The following RIN1 variants were observed in gnomAD, a reference collection of about 807,000 sequenced individuals.
RIN1 encodes the protein Ras and Rab interactor 1, also known as ras inhibitor 1.
RIN1 carries 52 observed loss-of-function variants against 64.9 expected under a neutral mutation model. The observed-to-expected ratio is 0.80, with a 90% CI of 0.64 to 1.01. The LOEUF (loss-of-function observed/expected upper bound fraction) is 1.01. Among genes scored for constraint, RIN1 ranks in the 50% least tolerant of loss-of-function variants. The pLI, the probability that RIN1 is intolerant of heterozygous loss-of-function variation, is 0.00. For synonymous variants in RIN1, 486 were observed against 483.6 expected (o/e 1.00, Z -0.06); for missense variants, 1,040 against 1,064.5 (o/e 0.98, Z 0.32).
chr11:66,332,096 C>T lies in RIN1; in HGVS notation c.*180G>A. The stretch of plus-strand genomic sequence containing the variant: ...CACAGTCTGGGGGCCCCCGAAGCCC[C>T]CTCATCTTTATTCCAGTTCCTCAGA... On this transcript the variant is annotated 3_prime_UTR_variant, in exon 10 of 10. Transcript: ENST00000311320. The T allele has an allele frequency of 1.5e-6, 1 of 677,434 alleles. No individual in the cohort carries two copies. The highest frequency in any genetic ancestry group is 2.6e-5 in the Admixed American group (1 of 37,870). 42.0% of individuals were successfully genotyped at this position (677,434 alleles called of 1,614,324 possible). A position where few individuals can be genotyped will look rare whatever the true frequency, so the allele number is the denominator to read the frequency against.
At position 66,332,571 on chromosome 11, in the gene RIN1, G is replaced by A. The variant is rs1854762931; in HGVS notation, c.2057C>T (p.Pro686Leu). ...GGGCAGCCTGTGGGCCAGGGCCCCA[G>A]GGGGCAGGCGGTGGTAGCCCTGCTC... ...YKEQGYHRLP[P>L]GALAHRLPTT... The change falls in exon 10 of 10, where the codon CCT (proline) becomes CTT (leucine). Residue 686 changes from proline (P) to leucine (L), a missense_variant. Pro to Leu is a moderately conservative substitution (Grantham distance 98, BLOSUM62 -3). Coordinates refer to ENST00000311320, the MANE Select transcript of RIN1 (RefSeq NM_004292.3). 5.6e-6 allele frequency: 9 copies of A among 1,612,178 alleles called. No homozygotes were observed. The highest frequency in any genetic ancestry group is 7.6e-6 in the Non-Finnish European group (9 of 1,178,796).
At position 66,333,326 on chromosome 11, in the gene RIN1, C is replaced by T. The variant is rs768822750; in HGVS notation, c.1807G>A (p.Val603Met). ...GQAHTLPLSPVQELRRSLSLW... is the reference protein window; with the variant it reads ...GQAHTLPLSPMQELRRSLSLW... Reference sequence around the variant, plus strand: ...CTGAGGGAGCGCCGTAGCTCCTGCACGGGGCTCAGTGGGAGGGTGTGGGCC... The same window carrying T: ...CTGAGGGAGCGCCGTAGCTCCTGCATGGGGCTCAGTGGGAGGGTGTGGGCC... The change falls in exon 9 of 10, where the codon GTG becomes ATG. Residue 603 changes from valine to methionine, a missense_variant. Coordinates refer to ENST00000311320, the MANE Select transcript of RIN1 (RefSeq NM_004292.3). 19 of 1,613,038 alleles carry T rather than the reference C, an allele frequency of 1.2e-5. No individual in the cohort carries two copies. Among genetic ancestry groups the T allele is most frequent in the African/African-American group, 4.0e-5 (3 of 74,910 alleles).
chr11:66,334,284 G>A, intron 6 of RIN1, 60 bp from the exon 7 acceptor site: 1 of 1,341,378 alleles, frequency 7.5e-7, no homozygotes, highest in Non-Finnish European at 9.9e-7. Flanking sequence ...CAGAGGCAAG[G>A]GGAGAAGGGA....
chr11:66,336,600 G>C, upstream of RIN1: 1 of 560,604 alleles, frequency 1.8e-6, no homozygotes, highest in Admixed American at 3.2e-5. Flanking sequence ...CTCCATGCTA[G>C]CCCTGCTCTG....
intron 1 of RIN1, 68 bp downstream of exon 1, chr11:66,336,249 T>A (rs1854898423): frequency 2.6e-6 from 4 of 1,522,468 alleles, no homozygotes; most frequent in Admixed American, 4.0e-5. Context: ...ACTTTCTCTA[T>A]CCCCGGATAG....
At position 66,330,890 on chromosome 11, in the gene RIN1, G is replaced by A. The variant is rs151199301; in HGVS notation, c.*1386C>T. ...CAGTGCCCGAGGAGAGAGCCTCTGG[G>A]GTCATCCTCCATAAGGGGACAATTC... On this transcript the variant is annotated 3_prime_UTR_variant, in exon 10 of 10. Transcript: ENST00000311320. 1.9e-4 allele frequency: 29 copies of A among 152,410 alleles called. No homozygotes were observed. The highest frequency in any genetic ancestry group is 7.0e-4 in the African/African-American group (29 of 41,582). 9.4% of individuals were successfully genotyped at this position (152,410 alleles called of 1,614,324 possible).
chr11:66,335,799 G>C lies in RIN1; in HGVS notation c.345C>G (p.Ser115=). The change falls in exon 3 of 10, where the codon TCC becomes TCG. Residue 115 remains serine (S), a synonymous_variant. Transcript: ENST00000311320. ...CCAGGATGTAGTGGCTGGAGACGAA[G>C]GAGGGGCCACTGGCTTCAGGCAACC... is the stretch of plus-strand genomic sequence containing the variant. ...CMRLPEASGP[S]FVSSHYILES... 1 of 1,611,058 alleles carries C rather than the reference G, an allele frequency of 6.2e-7. No individual in the cohort carries two copies. Among genetic ancestry groups the C allele is most frequent in the South Asian group, 1.1e-5 (1 of 90,892 alleles).
At chr11:66,335,272 T>C in intron 5 of RIN1, 21 bp from the exon 6 acceptor site, 6 of 1,566,106 alleles carry the variant, frequency 3.8e-6, no homozygotes, top group South Asian at 2.4e-5. Flanking sequence ...AGAAACCGAC[T>C]GGGGCCTCCG....
chr11:66,335,724 C>T (rs752829177), intron 3 of RIN1, 38 bp downstream of exon 3: 2 of 1,611,926 alleles, frequency 1.2e-6, no homozygotes, highest in African/African-American at 1.3e-5. Flanking sequence ...GGGGAACCTC[C>T]CTGCTTCCAG....
At position 66,332,142 on chromosome 11, in the gene RIN1, C is replaced by G. The variant is rs752652984; in HGVS notation, c.*134G>C. Reference sequence around the variant, plus strand: ...TCAGATGTGGCAGTTCCCCCAGCTTCCCTGGAAACAAGTATCAGACAAAGG... The same window carrying G: ...TCAGATGTGGCAGTTCCCCCAGCTTGCCTGGAAACAAGTATCAGACAAAGG... On this transcript the variant is annotated 3_prime_UTR_variant, in exon 10 of 10. Transcript: ENST00000311320. The G allele has an allele frequency of 3.5e-6, 3 of 868,172 alleles. No homozygotes were observed. Among genetic ancestry groups the G allele is most frequent in the Non-Finnish European group, 5.5e-6 (3 of 545,908 alleles). The allele number at this position is 868,172 out of a possible 1,614,324, so 53.8% of individuals were successfully genotyped here.
chr11:66,333,374 C>G lies in RIN1; in HGVS notation c.1759G>C (p.Ala587Pro), dbSNP rs750808152. 1.2e-6 allele frequency: 2 copies of G among 1,611,650 alleles called. No individual in the cohort carries two copies. The highest frequency in any genetic ancestry group is 1.7e-6 in the Non-Finnish European group (2 of 1,178,708). Residue 587 changes from alanine (A) to proline (P), a missense_variant, in exon 9 of 10, where the codon GCC becomes CCC. Transcript: ENST00000311320. ...YYLTSLSASL[A>P]LLSGLGQAHT... ...GCCTGACCCAGGCCACTCAGCAGGG[C>G]CAGGCTGGCAGAGAGGCTGGTCAGG...
chr11:66,333,857 G>A (rs970911293), intron 7 of RIN1, 62 bp downstream of exon 7: 27 of 1,458,734 alleles, frequency 1.9e-5, no homozygotes, highest in South Asian at 1.7e-4. Flanking sequence ...GGGACCTGCC[G>A]CTGGGGGGCC....
At position 66,334,721 on chromosome 11, in the gene RIN1, G is replaced by A; in HGVS notation, c.1078C>T (p.Pro360Ser). 6.5e-7 allele frequency: 1 copy of A among 1,549,696 alleles called. No individual in the cohort carries two copies. The highest frequency in any genetic ancestry group is 8.7e-7 in the Non-Finnish European group (1 of 1,147,714). ...GCAGCCCGGCCCACCTGCCGCTCCGGTGCCAGTAGGGAGCAGAAGGCGGCG... is the reference window on the plus strand; with the variant it reads ...GCAGCCCGGCCCACCTGCCGCTCCGATGCCAGTAGGGAGCAGAAGGCGGCG... ...MSAAFCSLLA[P>S]ERQVGRAAAA... The change falls in exon 6 of 10, where the codon CCG becomes TCG. Residue 360 changes from proline (P) to serine (S), a missense_variant. Coordinates refer to ENST00000311320, the MANE Select transcript of RIN1 (RefSeq NM_004292.3).
rs1373563862 is a variant in RIN1, at chr11:66,333,628, G to A, written c.1622C>T (p.Pro541Leu). The A allele has an allele frequency of 1.2e-6, 2 of 1,611,962 alleles. No individual in the cohort carries two copies. Among genetic ancestry groups the A allele is most frequent in the East Asian group, 2.2e-5 (1 of 44,760 alleles). The change falls in exon 8 of 10, where the codon CCT (proline) becomes CTT (leucine). Residue 541 changes from proline (P) to leucine (L), a missense_variant. Coordinates refer to ENST00000311320, the MANE Select transcript of RIN1 (RefSeq NM_004292.3). ...GTGGGCCAAGACGAGGCTCAGCAGA[G>A]GCAGGAACTCGTCGGCACCCGCGCC... is the stretch of plus-strand genomic sequence containing the variant. ...GEGAGADEFL[P>L]LLSLVLAHCD...
chr11:66,334,268 G>C (rs1249259623), intron 6 of RIN1, 44 bp from the exon 7 acceptor site: 6 of 1,358,948 alleles, frequency 4.4e-6, no homozygotes, highest in Admixed American at 2.8e-5. Context: ...CTGGGGGTAT[G>C]GGGGGCAGAG....
Position 66,335,105 on chromosome 11 carries a change from C to T in RIN1, c.694G>A (p.Asp232Asn). 6 of 1,533,092 alleles carry T rather than the reference C, an allele frequency of 3.9e-6. No individual in the cohort carries two copies. The highest frequency in any genetic ancestry group is 3.5e-6 in the Non-Finnish European group (4 of 1,142,904). 95.0% of individuals were successfully genotyped at this position (1,533,092 alleles called of 1,614,324 possible). The change falls in exon 6 of 10, where the codon GAC (aspartate) becomes AAC (asparagine). Residue 232 changes from aspartate to asparagine, a missense_variant. Coordinates refer to ENST00000311320, the MANE Select transcript of RIN1 (RefSeq NM_004292.3). The stretch of plus-strand genomic sequence containing the variant: ...TTCTCCCGCTTGGTGGGCCCTAGGT[C>T]CCCCGGGAACAGGGGGTTGAAGAAG... The part of the protein sequence containing the change: ...LCFFNPLFPG[D>N]LGPTKREKFK...
Position 66,334,200 on chromosome 11 carries a change from T to A in RIN1, c.1310A>T (p.His437Leu). ...CCGGAGAGGCTTGAGCACAGAGCAA[T>A]GCAATGACTTCTCCAGGACATGTTC... ...RLEHVLEKSL[H>L]CSVLKPLRPI... The change falls in exon 7 of 10, where the codon CAT becomes CTT. Residue 437 changes from histidine to leucine, a missense_variant. Coordinates refer to ENST00000311320, the MANE Select transcript of RIN1 (RefSeq NM_004292.3). 1 of 1,478,658 alleles carries A rather than the reference T, an allele frequency of 6.8e-7. No individual in the cohort carries two copies. The highest frequency in any genetic ancestry group is 8.9e-7 in the Non-Finnish European group (1 of 1,126,478). The allele number at this position is 1,478,658 out of a possible 1,614,324, so 91.6% of individuals were successfully genotyped here.
chr11:66,335,282 G>C, intron 5 of RIN1, 31 bp from the exon 6 acceptor site: 1 of 1,562,250 alleles, frequency 6.4e-7, no homozygotes, highest in Non-Finnish European at 8.6e-7. Flanking sequence ...TGGGGCCTCC[G>C]GGACTGGTTA....
At chr11:66,336,578 G>A, upstream of RIN1, 2 of 618,530 alleles carry the variant, frequency 3.2e-6, no homozygotes, top group Non-Finnish European at 5.6e-6. Flanking sequence ...TGCTTTGGGG[G>A]TCAGGGGTCC....
Sources: allele counts gnomAD v4.1 joint callset, GRCh38; gene constraint gnomAD v4.1.1; transcripts MANE v1.5; gene names NCBI Gene and HGNC (gene_info 2026-07-23, HGNC 2026-07-21).